The following SDK1 variants were observed in gnomAD, a reference collection of about 807,000 sequenced individuals.
SDK1 encodes the protein sidekick cell adhesion molecule 1, also known as protein sidekick-1.
SDK1 carries 157 observed loss-of-function variants against 245.5 expected under a neutral mutation model. The observed-to-expected ratio is 0.64, with a 90% CI of 0.56 to 0.73. The LOEUF (loss-of-function observed/expected upper bound fraction) is 0.73, where lower values mean the gene tolerates loss of function less well. SDK1 is among the 30% of genes least tolerant of loss of function. SDK1 has a pLI of 0.00. For synonymous variants in SDK1, 1,647 were observed against 1,278.5 expected, an observed-to-expected ratio of 1.29 and a Z score of -6.15; for missense variants, 3,583 against 3,002.3, an observed-to-expected ratio of 1.19 and a Z score of -4.52.
Position 3,632,345 on chromosome 7 carries a change from A to G in SDK1, c.459-6659A>G, listed in dbSNP as rs959503910. On this transcript the variant is annotated intron_variant, in intron 2 of 44. Coordinates refer to ENST00000404826, the MANE Select transcript of SDK1 (RefSeq NM_152744.4). ...AGAAAATCACATAAACGGGAATCCC[A>G]GAGGAGGAGTCTTGGGAACATTTCA... 3.3e-5 allele frequency among the ~76,000 whole-genome samples: 5 copies of G among 152,238 alleles called. No homozygotes were observed. In the East Asian group the frequency reaches 9.6e-4, roughly 29 times the overall value.
At chr7:3,394,988 CTT>C (rs1389918226) in intron 1 of SDK1, among the ~76,000 whole-genome samples, 1 of 151,852 alleles carries the variant, frequency 6.6e-6, no homozygotes, top group African/African-American at 2.4e-5. Context: ...AACCGAATGT[CTT>C]TTATTTGTTT....
At chr7:3,827,804 G>A (rs868812107) in intron 5 of SDK1, among the ~76,000 whole-genome samples, 7 of 152,234 alleles carry the variant, frequency 4.6e-5, no homozygotes, top group Non-Finnish European at 7.4e-5. Flanking sequence ...GCCACATATT[G>A]AGCCACAAGA....
chr7:3,985,730 C>T (rs180970502), intron 13 of SDK1, among the ~76,000 whole-genome samples: 42 of 152,282 alleles, frequency 2.8e-4, no homozygotes, highest in Admixed American at 2.0e-3. Flanking sequence ...TATTCTTTAT[C>T]GCACTAATGT....
intron 1 of SDK1, among the ~76,000 whole-genome samples, chr7:3,558,753 T>C (rs577394325): frequency 5.2e-4 from 79 of 152,212 alleles, no homozygotes; most frequent in Non-Finnish European, 9.1e-4. Context: ...CAAAGTATGC[T>C]TAATTGTTCA....
Position 3,630,679 on chromosome 7 carries a change from G to T in SDK1, c.459-8325G>T, listed in dbSNP as rs113099101. Among the ~76,000 whole-genome samples the T allele has an allele frequency of 2.6e-5, 4 of 152,076 alleles. 1 individual carries two copies. Among genetic ancestry groups the T allele is most frequent in the African/African-American group, 9.6e-5 (4 of 41,498 alleles). Reference sequence around the variant, plus strand: ...GATAGTACAAAAAAATCTGAAGTAAGGATAAATCTGACACAGGGTCTGTAA... The same window carrying T: ...GATAGTACAAAAAAATCTGAAGTAATGATAAATCTGACACAGGGTCTGTAA... On this transcript the variant is annotated intron_variant, in intron 2 of 44. Coordinates refer to ENST00000404826, the MANE Select transcript of SDK1 (RefSeq NM_152744.4).
At chr7:3,315,866 G>A (rs1318190593) in intron 1 of SDK1, among the ~76,000 whole-genome samples, 1 of 152,020 alleles carries the variant, frequency 6.6e-6, no homozygotes, top group South Asian at 2.1e-4. Context: ...TTGAATTATT[G>A]TTTTGGGCCT....
chr7:3,742,835 G>T (rs567999383), intron 4 of SDK1, among the ~76,000 whole-genome samples: 1 of 152,140 alleles, frequency 6.6e-6, no homozygotes, highest in Non-Finnish European at 1.5e-5. Context: ...GATAGAGGTC[G>T]AATGGATCGG....
intron 1 of SDK1, among the ~76,000 whole-genome samples, chr7:3,612,324 G>T (rs183266676): frequency 6.6e-6 from 1 of 152,146 alleles, no homozygotes; most frequent in Non-Finnish European, 1.5e-5. Context: ...TAACTAGAGT[G>T]GCACATATCT....
intron 1 of SDK1, among the ~76,000 whole-genome samples, chr7:3,357,480 A>G (rs752759038): frequency 4.0e-5 from 6 of 149,686 alleles, no homozygotes; most frequent in East Asian, 3.9e-4. Flanking sequence ...TCTCCCTGGC[A>G]TCTGGGTTTC....
chr7:3,493,421 T>A (rs1385176321), intron 1 of SDK1, among the ~76,000 whole-genome samples: 3 of 152,236 alleles, frequency 2.0e-5, no homozygotes, highest in Non-Finnish European at 4.4e-5. Context: ...TGGATGCTTA[T>A]AGTTTTGTTC....
intron 35 of SDK1, among the ~76,000 whole-genome samples, chr7:4,204,253 T>C (rs1784064891): frequency 6.6e-6 from 1 of 152,262 alleles, no homozygotes; most frequent in Admixed American, 6.5e-5. Flanking sequence ...TTTTGGATTA[T>C]TAATGTGGCT....
At chr7:3,462,882 T>C (rs559317277) in intron 1 of SDK1, among the ~76,000 whole-genome samples, 155 of 152,308 alleles carry the variant, frequency 1.0e-3, no homozygotes, top group Non-Finnish European at 1.4e-3. Context: ...AGAAGTGATA[T>C]CATGTTACCC....
chr7:3,552,318 G>T (rs922601776), intron 1 of SDK1, among the ~76,000 whole-genome samples: 4 of 152,172 alleles, frequency 2.6e-5, no homozygotes, highest in African/African-American at 9.7e-5. Flanking sequence ...GGGGATTACA[G>T]GTGTGAGCCA....
At chr7:3,675,227 A>G (rs1583295895) in intron 4 of SDK1, among the ~76,000 whole-genome samples, 1 of 152,186 alleles carries the variant, frequency 6.6e-6, no homozygotes. Flanking sequence ...TCTTTCACCC[A>G]TAGCCACAGA....
chr7:3,878,677 A>C (rs1474543055), intron 5 of SDK1, among the ~76,000 whole-genome samples: 1 of 152,234 alleles, frequency 6.6e-6, no homozygotes, highest in Non-Finnish European at 1.5e-5. Flanking sequence ...GAGCAAAGTT[A>C]GATCAGCACT....
At chr7:4,107,489 TC>T (rs199769215) in intron 22 of SDK1, among the ~76,000 whole-genome samples, 4 of 150,240 alleles carry the variant, frequency 2.7e-5, no homozygotes, top group Non-Finnish European at 3.0e-5. Flanking sequence ...CCTTTCTTCT[TC>T]TTTTTTTTTT....
intron 5 of SDK1, among the ~76,000 whole-genome samples, chr7:3,910,837 T>A (rs1368189882): frequency 2.6e-5 from 4 of 152,230 alleles, no homozygotes; most frequent in African/African-American, 9.6e-5. Context: ...TTCAGATTGT[T>A]AAATCCCCAG....
At chr7:3,321,310 C>T (rs139283687) in intron 1 of SDK1, among the ~76,000 whole-genome samples, 24 of 152,296 alleles carry the variant, frequency 1.6e-4, no homozygotes, top group African/African-American at 5.3e-4. Flanking sequence ...GAGTTGATTT[C>T]TTCAGAGCAC....
At chr7:4,257,167 C>A (rs1362162537) in intron 44 of SDK1, among the ~76,000 whole-genome samples, 3 of 152,202 alleles carry the variant, frequency 2.0e-5, no homozygotes, top group Non-Finnish European at 4.4e-5. Flanking sequence ...CTTAGACCAA[C>A]CCCATCGTAC....
Sources: allele counts gnomAD v4.1 joint callset (sites outside exome capture counted in the v4.1 genomes callset), GRCh38; gene constraint gnomAD v4.1.1; transcripts MANE v1.5; gene names NCBI Gene and HGNC (gene_info 2026-07-23, HGNC 2026-07-21).